The following NEGR1 variants were observed in gnomAD, a reference collection of about 807,000 sequenced individuals.
NEGR1 encodes the protein neuronal growth regulator 1, also known as IgLON family member 4.
Under a neutral mutation model 40.9 loss-of-function variants are expected in NEGR1, and 10 were observed. The ratio of observed to expected loss-of-function variants is 0.24; its 90% CI spans 0.15 to 0.42. The LOEUF (loss-of-function observed/expected upper bound fraction) is 0.42, where lower values mean the gene tolerates loss of function less well. Among genes scored for constraint, NEGR1 ranks in the 10% least tolerant of loss-of-function variants. The pLI is 1.00. For synonymous variants in NEGR1, 185 were observed against 166.8 expected (o/e 1.11, Z -0.84); for missense variants, 352 against 438.9 (o/e 0.80, Z 1.77).
At chr1:71,901,568 G>C (rs1661143044) in intron 2 of NEGR1, among the ~76,000 whole-genome samples, 1 of 151,806 alleles carries the variant, frequency 6.6e-6, no homozygotes, top group Non-Finnish European at 1.5e-5. Flanking sequence ...CCTTTAAAAT[G>C]GGCCCCTGGG....
chr1:71,679,282 T>C (rs1652750057), intron 4 of NEGR1, among the ~76,000 whole-genome samples: 1 of 152,172 alleles, frequency 6.6e-6, no homozygotes, highest in Admixed American at 6.6e-5. Flanking sequence ...AAATACCTGT[T>C]CAAATTTTGA....
chr1:71,535,531 C>A (rs1045955329), intron 6 of NEGR1, among the ~76,000 whole-genome samples: 1 of 151,688 alleles, frequency 6.6e-6, no homozygotes, highest in Admixed American at 6.6e-5. Context: ...TTCAGCTTCA[C>A]AGTCAATCCA....
intron 1 of NEGR1, among the ~76,000 whole-genome samples, chr1:71,948,899 T>A (rs1260665450): frequency 6.6e-6 from 1 of 152,102 alleles, no homozygotes; most frequent in African/African-American, 2.4e-5. Flanking sequence ...ATGACTATCA[T>A]CTCTCAAGGT....
chr1:72,100,966 T>A (rs1254978452), intron 1 of NEGR1: 2 of 152,200 alleles, frequency 1.3e-5, no homozygotes, highest in Non-Finnish European at 2.9e-5. Flanking sequence ...CAGTGTCTCT[T>A]CCTCTTTTGT....
chr1:71,499,293 C>T (rs1434925981), intron 6 of NEGR1, among the ~76,000 whole-genome samples: 3 of 151,796 alleles, frequency 2.0e-5, no homozygotes, highest in African/African-American at 7.2e-5. Context: ...GATTATATTT[C>T]AATACATGCT....
intron 1 of NEGR1, among the ~76,000 whole-genome samples, chr1:72,106,158 T>C (rs2821249): frequency 0.96 from 146,844 of 152,212 alleles, 70,912 homozygotes; most frequent in East Asian, 1. Context: ...CATTTAAGAA[T>C]AGTAACACTA....
At chr1:71,498,044 T>G in intron 6 of NEGR1, among the ~76,000 whole-genome samples, 1 of 151,818 alleles carries the variant, frequency 6.6e-6, no homozygotes, top group Non-Finnish European at 1.5e-5. Flanking sequence ...ATGAGTTCAT[T>G]AATACTTGTT....
chr1:71,935,344 C>T (rs1645894968), intron 1 of NEGR1, 33 bp from the exon 2 acceptor site: 1 of 1,405,648 alleles, frequency 7.1e-7, no homozygotes, highest in African/African-American at 1.4e-5. Flanking sequence ...CACTATTAAT[C>T]AAAATAAAAA....
At chr1:71,931,753 C>A (rs1256808114) in intron 2 of NEGR1, among the ~76,000 whole-genome samples, 1 of 152,132 alleles carries the variant, frequency 6.6e-6, no homozygotes, top group Non-Finnish European at 1.5e-5. Context: ...TTGGGGGACA[C>A]ATTCTAACCA....
At chr1:72,253,369 C>G (rs115930787) in intron 1 of NEGR1, among the ~76,000 whole-genome samples, 1,925 of 152,270 alleles carry the variant, frequency 0.013, 39 homozygotes, top group African/African-American at 0.044. Context: ...GCAGGGAAGT[C>G]AGACAGTGAA....
chr1:72,212,055 G>A (rs1570127327), intron 1 of NEGR1, among the ~76,000 whole-genome samples: 1 of 151,898 alleles, frequency 6.6e-6, no homozygotes, highest in Non-Finnish European at 1.5e-5. Context: ...AAAGGAATAT[G>A]CTCATGATAG....
chr1:71,709,842 G>A (rs946922584), intron 3 of NEGR1, among the ~76,000 whole-genome samples: 1 of 152,118 alleles, frequency 6.6e-6, no homozygotes, highest in Non-Finnish European at 1.5e-5. Context: ...GCAAGCACAG[G>A]CAACCAAAGC....
chr1:71,581,805 T>A (rs924559737), intron 6 of NEGR1, among the ~76,000 whole-genome samples: 1 of 151,828 alleles, frequency 6.6e-6, no homozygotes, highest in Non-Finnish European at 1.5e-5. Flanking sequence ...TGGGCTCAAG[T>A]GATCCTCCCA....
intron 6 of NEGR1, among the ~76,000 whole-genome samples, chr1:71,499,950 A>G (rs111580117): frequency 2.0e-5 from 3 of 152,156 alleles, no homozygotes; most frequent in African/African-American, 7.2e-5. Flanking sequence ...AATCACAGCT[A>G]TCATAATGAT....
intron 4 of NEGR1, among the ~76,000 whole-genome samples, chr1:71,630,571 T>C (rs1253782988): frequency 2.0e-5 from 3 of 151,930 alleles, no homozygotes; most frequent in Non-Finnish European, 4.4e-5. Context: ...TATGGTTTTA[T>C]GTTCTTCTTC....
chr1:71,505,315 T>TCTCG (rs560705370), intron 6 of NEGR1, among the ~76,000 whole-genome samples: 54 of 151,024 alleles, frequency 3.6e-4, no homozygotes, highest in African/African-American at 1.2e-3. Context: ...TGAGATGGAG[T>TCTCG]CTCGCTCTTT....
intron 1 of NEGR1, among the ~76,000 whole-genome samples, chr1:71,999,167 A>T (rs1297890026): frequency 1.3e-5 from 2 of 151,916 alleles, no homozygotes; most frequent in East Asian, 1.9e-4. Context: ...TTGACATCAC[A>T]AAATTATAGG....
intron 2 of NEGR1, among the ~76,000 whole-genome samples, chr1:71,849,579 A>G (rs767014565): frequency 1.3e-5 from 2 of 152,212 alleles, no homozygotes; most frequent in Non-Finnish European, 2.9e-5. Flanking sequence ...ATTTGGGATT[A>G]ACTCTAATTC....
Position 72,140,029 on chromosome 1 carries a change from A to G in NEGR1, c.176+142290T>C, listed in dbSNP as rs138070330. ...TAGAATAATCACACTACAATTCCAT[A>G]TCCAATCATAAAAGATTAAATGGTC... is the stretch of plus-strand genomic sequence containing the variant. On this transcript the variant is annotated intron_variant, in intron 1 of 6. Transcript: ENST00000357731. 1.7e-4 allele frequency among the ~76,000 whole-genome samples: 26 copies of G among 152,154 alleles called. No individual in the cohort carries two copies. In the East Asian group the frequency reaches 4.8e-3, roughly 28 times the overall value.
Sources: gnomAD v4.1 joint callset for allele counts (sites outside exome capture counted in the v4.1 genomes callset) on GRCh38, gnomAD v4.1.1 for gene constraint, MANE v1.5 for transcripts, NCBI Gene and HGNC (gene_info 2026-07-23, HGNC 2026-07-21) for gene names.